DDX39A: variants seen among roughly 807,000 people sequenced by gnomAD.
The protein encoded by DDX39A is ATP-dependent RNA helicase DDX39A.
Under a neutral mutation model 46.3 loss-of-function variants are expected in DDX39A, and 13 were observed. The ratio of observed to expected loss-of-function variants is 0.28; its 90% CI spans 0.18 to 0.45. The LOEUF (loss-of-function observed/expected upper bound fraction) is 0.45, where lower values mean the gene tolerates loss of function less well. Among genes scored for constraint, DDX39A ranks in the 20% least tolerant of loss-of-function variants. The probability of loss-of-function intolerance (pLI) is 1.00; values close to 1 mark genes in which losing one functional copy is unlikely to be tolerated. For missense variants in DDX39A, 352 were observed against 581.8 expected, an observed-to-expected ratio of 0.61 and a Z score of 4.06; for synonymous variants, 234 against 224.6, an observed-to-expected ratio of 1.04 and a Z score of -0.38.
intron 1 of DDX39A, chr19:14,419,055 C>T (rs1452006725): frequency 1.3e-5 from 6 of 447,534 alleles, no homozygotes; most frequent in African/African-American, 8.1e-5. Flanking sequence ...CCCCGAGCCC[C>T]GAGCACCGCG....
rs531678676 is a variant in DDX39A, at chr19:14,410,925, C to T, written c.613+64G>A. On this transcript the variant is annotated intron_variant, in intron 5 of 10. Coordinates refer to ENST00000242776, the MANE Select transcript of DDX39A (RefSeq NM_005804.4). The surrounding 1 kb of genome is among the most constrained non-coding windows in gnomAD (Gnocchi z 4.3). Reference sequence around the variant, plus strand: ...CCATGTAACCCACTCAAGAGCCTTCCGCCTGCTATGGGGCCCGCCTAGTCA... The same window carrying T: ...CCATGTAACCCACTCAAGAGCCTTCTGCCTGCTATGGGGCCCGCCTAGTCA... 6.9e-6 allele frequency: 10 copies of T among 1,448,680 alleles called. No individual in the cohort carries two copies. Among genetic ancestry groups the T allele is most frequent in the African/African-American group, 2.9e-5 (2 of 69,784 alleles). 89.7% of individuals were successfully genotyped at this position (1,448,680 alleles called of 1,614,324 possible). A position where few individuals can be genotyped will look rare whatever the true frequency, so the allele number is the denominator to read the frequency against.
Position 14,408,805 on chromosome 19 carries a change from G to A in DDX39A, c.*131C>T, listed in dbSNP as rs1212043967. ...GCCAAGATGACCAAGAAATAGATGG[G>A]GTGGGAGCCAGGCTTCCATAATAAC... is the stretch of plus-strand genomic sequence containing the variant. On this transcript the variant is annotated 3_prime_UTR_variant, in exon 11 of 11. Coordinates refer to ENST00000242776, the MANE Select transcript of DDX39A (RefSeq NM_005804.4). 3.0e-6 allele frequency: 4 copies of A among 1,345,846 alleles called. No individual in the cohort carries two copies. The highest frequency in any genetic ancestry group is 1.5e-5 in the African/African-American group (1 of 68,258). The allele number at this position is 1,345,846 out of a possible 1,614,324, so 83.4% of individuals were successfully genotyped here. A position where few individuals can be genotyped will look rare whatever the true frequency, so the allele number is the denominator to read the frequency against.
Position 14,410,395 on chromosome 19 carries a change from CA to C in DDX39A, c.614-62del. 1 of 1,446,268 alleles carries C rather than the reference CA, an allele frequency of 6.9e-7. No homozygotes were observed. Among genetic ancestry groups the C allele is most frequent in the African/African-American group, 1.4e-5 (1 of 71,764 alleles). 89.6% of individuals were successfully genotyped at this position (1,446,268 alleles called of 1,614,324 possible). ...CGTCTGCCATGCAGGACCCCCACCC[CA>C]GACCAGACCCAGACCCCTCCCAACC... On this transcript the variant is annotated intron_variant, in intron 5 of 10. Coordinates refer to ENST00000242776, the MANE Select transcript of DDX39A (RefSeq NM_005804.4). The surrounding 1 kb of genome is among the most constrained non-coding windows in gnomAD (Gnocchi z 4.3).
intron 1 of DDX39A, among the ~76,000 whole-genome samples, chr19:14,415,163 C>G (rs1438370072): frequency 6.6e-6 from 1 of 152,090 alleles, no homozygotes; most frequent in Non-Finnish European, 1.5e-5. Context: ...AACCACTAAT[C>G]TGCTTTCTGT....
At chr19:14,414,156 T>C (rs1330750217) in intron 1 of DDX39A, 1 of 151,992 alleles carries the variant, frequency 6.6e-6, no homozygotes, top group Non-Finnish European at 1.5e-5. Flanking sequence ...CCTAGGCCAC[T>C]TTTGGCCTCG....
Position 14,412,947 on chromosome 19 carries a change from G to C in DDX39A, c.208+66C>G, listed in dbSNP as rs1168659354. 7.1e-6 allele frequency: 11 copies of C among 1,543,280 alleles called. No homozygotes were observed. Among genetic ancestry groups the C allele is most frequent in the African/African-American group, 2.7e-5 (2 of 73,152 alleles). On this transcript the variant is annotated intron_variant, in intron 2 of 10. Transcript: ENST00000242776. This position sits in a 1 kb window ranked among gnomAD's most constrained non-coding sequence, Gnocchi z 4.4. Reference sequence around the variant, plus strand: ...GGCAAACTGGAGGCGGCACCGCTCTGGGCGGGCAGGGCTGGTCTTGTCTTG... The same window carrying C: ...GGCAAACTGGAGGCGGCACCGCTCTCGGCGGGCAGGGCTGGTCTTGTCTTG...
chr19:14,409,527 C>T lies in DDX39A; in HGVS notation c.974+9G>A, dbSNP rs58961341. The T allele has an allele frequency of 3.2e-3, 5,111 of 1,608,606 alleles. 127 individuals carry two copies. The African/African-American group carries it at 0.053, about 17-fold the overall frequency. ...CTCCCTGCAGCCTTGGCGGGCGGCT[C>T]GCACTCACCGCTCCTCCTGGGCCAT... On this transcript the variant is annotated intron_variant, in intron 8 of 10. Coordinates refer to ENST00000242776, the MANE Select transcript of DDX39A (RefSeq NM_005804.4). This position sits in a 1 kb window ranked among gnomAD's most constrained non-coding sequence, Gnocchi z 8.3.
At chr19:14,419,072 C>T (rs1197636448) in intron 1 of DDX39A, 198 bp downstream of exon 1, 2 of 444,616 alleles carry the variant, frequency 4.5e-6, no homozygotes, top group Non-Finnish European at 9.0e-6. Context: ...CGCGCGCCAA[C>T]GGCTGGCCCA....
intron 1 of DDX39A, among the ~76,000 whole-genome samples, chr19:14,414,640 C>T (rs1002399545): frequency 2.7e-5 from 4 of 149,378 alleles, no homozygotes; most frequent in Admixed American, 1.3e-4. Flanking sequence ...TGAGCCACCG[C>T]GCCTGGCCTT....
chr19:14,413,298 C>A, intron 1 of DDX39A, 74 bp from the exon 2 acceptor site: 1 of 1,347,664 alleles, frequency 7.4e-7, no homozygotes, highest in South Asian at 1.4e-5. Flanking sequence ...ATGGCATTCT[C>A]TGCCGCCTCC....
Position 14,408,817 on chromosome 19 carries a change from G to A in DDX39A, c.*119C>T, listed in dbSNP as rs1056631133. 2 of 1,414,760 alleles carry A rather than the reference G, an allele frequency of 1.4e-6. No individual in the cohort carries two copies. Among genetic ancestry groups the A allele is most frequent in the Admixed American group, 5.2e-5 (2 of 38,682 alleles). 87.6% of individuals were successfully genotyped at this position (1,414,760 alleles called of 1,614,324 possible). ...AAGAAATAGATGGGGTGGGAGCCAGGCTTCCATAATAACAAGTTTATTCTC... is the reference window on the plus strand; with the variant it reads ...AAGAAATAGATGGGGTGGGAGCCAGACTTCCATAATAACAAGTTTATTCTC... On this transcript the variant is annotated 3_prime_UTR_variant, in exon 11 of 11. Transcript: ENST00000242776.
Position 14,409,240 on chromosome 19 carries a change from A to G in DDX39A, c.1120-56T>C. 4 of 1,612,878 alleles carry G rather than the reference A, an allele frequency of 2.5e-6. No individual in the cohort carries two copies. Among genetic ancestry groups the G allele is most frequent in the South Asian group, 1.1e-5 (1 of 91,074 alleles). On this transcript the variant is annotated intron_variant, in intron 9 of 10. Transcript: ENST00000242776. This position sits in a 1 kb window ranked among gnomAD's most constrained non-coding sequence, Gnocchi z 8.3. ...CAGATACTACCTCAGGACTTGAGGA[A>G]AAGCAGGGCTGGGGCCCCACCCCAC...
In DDX39A at chr19:14,410,365, A is replaced by G. The variant is rs1387098851; in HGVS notation, c.614-31T>C. On this transcript the variant is annotated intron_variant, in intron 5 of 10. Transcript: ENST00000242776. The surrounding 1 kb of genome is among the most constrained non-coding windows in gnomAD (Gnocchi z 4.3). ...TGGGGAGGGCAAGACATGGGTGGGC[A>G]TGAGCGTCTGCCATGCAGGACCCCC... 3.8e-6 allele frequency: 6 copies of G among 1,592,806 alleles called. No homozygotes were observed. Among genetic ancestry groups the G allele is most frequent in the African/African-American group, 1.3e-5 (1 of 74,508 alleles).
At position 14,409,501 on chromosome 19, in the gene DDX39A, G is replaced by A. The variant is rs1396412659; in HGVS notation, c.974+35C>T. The A allele has an allele frequency of 1.2e-6, 2 of 1,610,552 alleles. No homozygotes were observed. Among genetic ancestry groups the A allele is most frequent in the African/African-American group, 1.3e-5 (1 of 74,932 alleles). On this transcript the variant is annotated intron_variant, in intron 8 of 10. Transcript: ENST00000242776. The surrounding 1 kb of genome is among the most constrained non-coding windows in gnomAD (Gnocchi z 8.3). ...CGTCAGACACTGGGCTCCTGGTGGT[G>A]CTCCCTGCAGCCTTGGCGGGCGGCT...
chr19:14,410,355 ATGGG>A lies in DDX39A; in HGVS notation c.614-25_614-22del. On this transcript the variant is annotated intron_variant, in intron 5 of 10. Coordinates refer to ENST00000242776, the MANE Select transcript of DDX39A (RefSeq NM_005804.4). The surrounding 1 kb of genome is among the most constrained non-coding windows in gnomAD (Gnocchi z 4.3). ...CATGTCTAGGTGGGGAGGGCAAGACATGGGTGGGCATGAGCGTCTGCCATGCAGG... is the reference window on the plus strand; with the variant it reads ...CATGTCTAGGTGGGGAGGGCAAGACATGGGCATGAGCGTCTGCCATGCAGG... 1 of 1,602,718 alleles carries A rather than the reference ATGGG, an allele frequency of 6.2e-7. No homozygotes were observed. The highest frequency in any genetic ancestry group is 8.5e-7 in the Non-Finnish European group (1 of 1,169,948).
chr19:14,411,215 C>T lies in DDX39A; in HGVS notation c.430-43G>A. On this transcript the variant is annotated intron_variant, in intron 4 of 10. Coordinates refer to ENST00000242776, the MANE Select transcript of DDX39A (RefSeq NM_005804.4). The surrounding 1 kb of genome is among the most constrained non-coding windows in gnomAD (Gnocchi z 4.1). ...AAACCGCTCCATGCTGATACACGGC[C>T]CAAGGCCCCAACCTGCACGGCCCAG... is the stretch of plus-strand genomic sequence containing the variant. 6.5e-7 allele frequency: 1 copy of T among 1,532,006 alleles called. No homozygotes were observed. Among genetic ancestry groups the T allele is most frequent in the Non-Finnish European group, 8.8e-7 (1 of 1,139,740 alleles). 94.9% of individuals were successfully genotyped at this position (1,532,006 alleles called of 1,614,324 possible).
chr19:14,408,889 A>C lies in DDX39A; in HGVS notation c.*47T>G, dbSNP rs1976412144. ...CAGTGGCGCCTGGAAAGGGGAGGTGAAGCTGCATGCGGGCGGCTCCGGGTG... is the reference window on the plus strand; with the variant it reads ...CAGTGGCGCCTGGAAAGGGGAGGTGCAGCTGCATGCGGGCGGCTCCGGGTG... On this transcript the variant is annotated 3_prime_UTR_variant, in exon 11 of 11. Transcript: ENST00000242776. 6.5e-7 allele frequency: 1 copy of C among 1,545,904 alleles called. No homozygotes were observed. The highest frequency in any genetic ancestry group is 1.4e-5 in the African/African-American group (1 of 72,672).
At position 14,412,105 on chromosome 19, in the gene DDX39A, G is replaced by A. The variant is rs557036645; in HGVS notation, c.336+446C>T. Among the ~76,000 whole-genome samples the A allele has an allele frequency of 3.9e-5, 6 of 152,188 alleles. No homozygotes were observed. The highest frequency in any genetic ancestry group is 8.8e-5 in the Non-Finnish European group (6 of 68,032). On this transcript the variant is annotated intron_variant, in intron 3 of 10. Transcript: ENST00000242776. The surrounding 1 kb of genome is among the most constrained non-coding windows in gnomAD (Gnocchi z 4.4). Reference sequence around the variant, plus strand: ...CGGGAGCAAGACACCAGAATTCACTGAAGTGTCTCCCCAGGACAGTGGCAC... The same window carrying A: ...CGGGAGCAAGACACCAGAATTCACTAAAGTGTCTCCCCAGGACAGTGGCAC...
At position 14,409,683 on chromosome 19, in the gene DDX39A, T is replaced by G. The variant is rs764216943; in HGVS notation, c.865-38A>C. On this transcript the variant is annotated intron_variant, in intron 7 of 10. Transcript: ENST00000242776. The surrounding 1 kb of genome is among the most constrained non-coding windows in gnomAD (Gnocchi z 8.3). ...GTGGCAGTCAGGGCCACACAGTCCC[T>G]GTGGCCCAGTGACCTCCCGAAGGTC... The G allele has an allele frequency of 1.4e-5, 23 of 1,611,100 alleles. No homozygotes were observed. The highest frequency in any genetic ancestry group is 1.6e-4 in the Middle Eastern group (1 of 6,078).
Sources: allele counts gnomAD v4.1 joint callset (sites outside exome capture counted in the v4.1 genomes callset), GRCh38; gene constraint gnomAD v4.1.1; non-coding constraint Gnocchi (gnomAD v3.1); transcripts MANE v1.5; gene names NCBI Gene and HGNC (gene_info 2026-07-23, HGNC 2026-07-21).